GABRG3: variants seen among roughly 807,000 people sequenced by gnomAD.
GABRG3 encodes the protein gamma-aminobutyric acid receptor subunit gamma-3.
A neutral mutation model predicts 48.8 loss-of-function variants in GABRG3; 25 were observed. The observed-to-expected ratio is 0.51, with a 90% CI of 0.37 to 0.72. The LOEUF is 0.72. Among genes scored for constraint, GABRG3 ranks in the 30% least tolerant of loss-of-function variants. GABRG3 has a pLI of 0.00. For missense variants in GABRG3, 394 were observed against 577.9 expected, an observed-to-expected ratio of 0.68 and a Z score of 3.26; for synonymous variants, 227 against 217.6, an observed-to-expected ratio of 1.04 and a Z score of -0.38.
At chr15:27,472,515 A>G (rs1889817008) in intron 5 of GABRG3, among the ~76,000 whole-genome samples, 2 of 152,170 alleles carry the variant, frequency 1.3e-5, no homozygotes, top group East Asian at 1.9e-4. Flanking sequence ...ACCTCAAATG[A>G]CCTGCCCACC....
At chr15:27,069,572 A>T (rs1267903591) in intron 3 of GABRG3, among the ~76,000 whole-genome samples, 1 of 152,244 alleles carries the variant, frequency 6.6e-6, no homozygotes, top group Non-Finnish European at 1.5e-5. Flanking sequence ...GAGTGTGTTT[A>T]TGTGTAAATA....
chr15:27,485,325 T>G (rs1003909143), intron 6 of GABRG3, among the ~76,000 whole-genome samples: 1 of 152,152 alleles, frequency 6.6e-6, no homozygotes, highest in South Asian at 2.1e-4. Flanking sequence ...GCAAATGGAC[T>G]CTATACTCCA....
chr15:27,350,037 GT>G, intron 5 of GABRG3: 1 of 453,304 alleles, frequency 2.2e-6, no homozygotes, highest in Non-Finnish European at 4.4e-6. Flanking sequence ...CCAGGTTAGG[GT>G]TGCAGTTTTC....
At chr15:27,378,398 C>T (rs1407289449) in intron 5 of GABRG3, among the ~76,000 whole-genome samples, 1 of 152,166 alleles carries the variant, frequency 6.6e-6, no homozygotes, top group Non-Finnish European at 1.5e-5. Context: ...CTGACCCCCT[C>T]TTACTTAGAT....
chr15:27,040,319 G>A (rs1260714579), intron 3 of GABRG3, among the ~76,000 whole-genome samples: 1 of 152,228 alleles, frequency 6.6e-6, no homozygotes, highest in African/African-American at 2.4e-5. Context: ...TCAAATGGCT[G>A]GTCGTTGCAA....
At chr15:27,285,410 C>T (rs1197582600) in intron 3 of GABRG3, among the ~76,000 whole-genome samples, 1 of 152,032 alleles carries the variant, frequency 6.6e-6, no homozygotes, top group African/African-American at 2.4e-5. Flanking sequence ...AGTCATTCAA[C>T]TCCCCTGAAC....
At chr15:27,377,159 C>T (rs561079928) in intron 5 of GABRG3, among the ~76,000 whole-genome samples, 1 of 152,326 alleles carries the variant, frequency 6.6e-6, no homozygotes, top group African/African-American at 2.4e-5. Flanking sequence ...CAACAAGTTT[C>T]TCATCTCCAT....
chr15:27,447,793 T>C lies in GABRG3; in HGVS notation c.575-32857T>C, dbSNP rs1888986292. Among the ~76,000 whole-genome samples, 1 of 151,642 alleles carries C rather than the reference T, an allele frequency of 6.6e-6. No individual in the cohort carries two copies. The highest frequency in any genetic ancestry group is 1.5e-5 in the Non-Finnish European group (1 of 67,908). ...GCATGTTCTCACTCATAAGTGGGAGTTGAACAATGAGAACACATGGACACA... is the reference window on the plus strand; with the variant it reads ...GCATGTTCTCACTCATAAGTGGGAGCTGAACAATGAGAACACATGGACACA... On this transcript the variant is annotated intron_variant, in intron 5 of 9. Transcript: ENST00000615808. This position sits in a 1 kb window ranked among gnomAD's most constrained non-coding sequence, Gnocchi z 4.0.
Position 27,077,635 on chromosome 15 carries a change from G to A in GABRG3, c.270+50814G>A, listed in dbSNP as rs140548523. On this transcript the variant is annotated intron_variant, in intron 3 of 9. Transcript: ENST00000615808. ...GAGCCTTCTTCCCCATCACTCTGTC[G>A]ATTTCCAGAATGTTTTGAGAAAATT... 8.1e-3 allele frequency among the ~76,000 whole-genome samples: 1,239 copies of A among 152,228 alleles called. 11 individuals are homozygous for A. Among genetic ancestry groups the A allele is most frequent in the African/African-American group, 0.023 (973 of 41,542 alleles).
intron 5 of GABRG3, chr15:27,428,048 A>AT (rs1297785037): frequency 4.0e-5 from 6 of 151,648 alleles, no homozygotes; most frequent in South Asian, 2.1e-4. Flanking sequence ...TGCCTGGCTA[A>AT]TTTTTTTTTA....
At chr15:27,281,995 C>T (rs1891450202) in intron 3 of GABRG3, among the ~76,000 whole-genome samples, 1 of 152,082 alleles carries the variant, frequency 6.6e-6, no homozygotes, top group South Asian at 2.1e-4. Context: ...ATTTGCTGTG[C>T]ACAGAATTCT....
intron 3 of GABRG3, among the ~76,000 whole-genome samples, chr15:27,055,072 T>C (rs1341435104): frequency 6.6e-6 from 1 of 150,934 alleles, no homozygotes; most frequent in African/African-American, 2.4e-5. Flanking sequence ...CTTAAAGGAT[T>C]GTGAAAAACA....
intron 2 of GABRG3, among the ~76,000 whole-genome samples, chr15:26,994,247 T>TA (rs552072497): frequency 1.2e-4 from 18 of 152,154 alleles, no homozygotes; most frequent in African/African-American, 4.1e-4. Context: ...GCTGTTTTGT[T>TA]ACAGATATTC....
intron 6 of GABRG3, among the ~76,000 whole-genome samples, chr15:27,501,214 G>T (rs752897772): frequency 2.7e-4 from 41 of 152,170 alleles, no homozygotes; most frequent in Non-Finnish European, 5.4e-4. Flanking sequence ...GCCTCCCAAA[G>T]TGCTAGGATT....
intron 3 of GABRG3, among the ~76,000 whole-genome samples, chr15:27,287,802 G>A (rs1179558488): frequency 3.4e-5 from 5 of 148,372 alleles, no homozygotes; most frequent in African/African-American, 5.0e-5. Flanking sequence ...GCAGTGGCGC[G>A]ATCTCGGCTC....
Position 27,377,525 on chromosome 15 carries a change from G to A in GABRG3, c.574+48637G>A, listed in dbSNP as rs145383589. On this transcript the variant is annotated intron_variant, in intron 5 of 9. Coordinates refer to ENST00000615808, the MANE Select transcript of GABRG3 (RefSeq NM_033223.5). ...GCAGACGGTAAAAGGCATGTCTCTT[G>A]TGGTGGCAGACAAGAGAAGAGTGCT... Among the ~76,000 whole-genome samples, 68 of 152,308 alleles carry A rather than the reference G, an allele frequency of 4.5e-4. No individual in the cohort carries two copies. In the East Asian group the frequency reaches 0.013, roughly 29 times the overall value.
intron 3 of GABRG3, among the ~76,000 whole-genome samples, chr15:27,265,347 G>C (rs1890884558): frequency 1.3e-5 from 2 of 152,120 alleles, no homozygotes; most frequent in Admixed American, 1.3e-4. Context: ...ACTCTCCTTT[G>C]TTCTAAATAC....
chr15:27,178,605 G>T (rs1215860046), intron 3 of GABRG3, among the ~76,000 whole-genome samples: 1 of 152,228 alleles, frequency 6.6e-6, no homozygotes, highest in African/African-American at 2.4e-5. Flanking sequence ...ATAACCTTCA[G>T]ACTGAAGACC....
intron 3 of GABRG3, among the ~76,000 whole-genome samples, chr15:27,118,116 C>T (rs1897673662): frequency 6.6e-6 from 1 of 152,120 alleles, no homozygotes; most frequent in South Asian, 2.1e-4. Context: ...ATAGTCTATC[C>T]ATTAAGTCAG....
Sources: gnomAD v4.1 joint callset for allele counts (sites outside exome capture counted in the v4.1 genomes callset) on GRCh38, gnomAD v4.1.1 for gene constraint, Gnocchi (gnomAD v3.1) non-coding constraint, MANE v1.5 for transcripts, NCBI Gene and HGNC (gene_info 2026-07-23, HGNC 2026-07-21) for gene names.